Variants in MICAL2 observed in about 807,000 individuals in gnomAD.
MICAL2 encodes [F-actin]-monooxygenase MICAL2.
A neutral mutation model predicts 127.3 loss-of-function variants in MICAL2; 77 were observed. That is an observed-to-expected ratio of 0.60 (90% CI 0.50 to 0.73). The LOEUF (loss-of-function observed/expected upper bound fraction) is 0.73, where lower values mean the gene tolerates loss of function less well. MICAL2 is among the 30% of genes least tolerant of loss of function. The pLI is 0.00. For synonymous variants in MICAL2, 570 were observed against 551.1 expected (o/e 1.03, Z -0.48); for missense variants, 1,351 against 1,434.4 (o/e 0.94, Z 0.94).
chr11:12,215,792 A>G lies in MICAL2; in HGVS notation c.848-427A>G, dbSNP rs188799373. ...AGTAGAAATATTCCTTGGCATAGTCATTGGAGAATTCCCACAGCTCTATGC... is the reference window on the plus strand; with the variant it reads ...AGTAGAAATATTCCTTGGCATAGTCGTTGGAGAATTCCCACAGCTCTATGC... On this transcript the variant is annotated intron_variant, in intron 7 of 27. Coordinates refer to ENST00000683283, the MANE Select transcript of MICAL2 (RefSeq NM_001282663.2). Among the ~76,000 whole-genome samples, 22 of 152,328 alleles carry G rather than the reference A, an allele frequency of 1.4e-4. No individual in the cohort carries two copies. The East Asian group carries it at 4.2e-3, about 29-fold the overall frequency.
intron 24 of MICAL2, among the ~76,000 whole-genome samples, chr11:12,270,965 C>T (rs766963298): frequency 6.6e-6 from 1 of 152,180 alleles, no homozygotes; most frequent in Non-Finnish European, 1.5e-5. Context: ...CATAACCCTG[C>T]GGCAGGGGTC....
intron 1 of MICAL2, among the ~76,000 whole-genome samples, chr11:12,136,684 C>G (rs144898791): frequency 2.3e-4 from 35 of 152,152 alleles, no homozygotes; most frequent in African/African-American, 7.2e-4. Flanking sequence ...GTTGGTGTTA[C>G]AGGGAGCTCA....
Position 12,261,664 on chromosome 11 carries a change from G to A in MICAL2, c.3335-816G>A, listed in dbSNP as rs77386840. On this transcript the variant is annotated intron_variant, in intron 26 of 27. Transcript: ENST00000683283. ...AGGAGTCAGAACCTTTGAGAGCTTT[G>A]AGATGACAGTTTCTATGGGGCGGGA... 4.4e-3 allele frequency: 4,305 copies of A among 985,436 alleles called. 158 individuals carry two copies. In the African/African-American group the frequency reaches 0.07, roughly 16 times the overall value. The allele number at this position is 985,436 out of a possible 1,614,324, so 61.0% of individuals were successfully genotyped here.
intron 1 of MICAL2, among the ~76,000 whole-genome samples, chr11:12,115,361 G>A (rs985306817): frequency 3.3e-5 from 5 of 152,190 alleles, no homozygotes; most frequent in East Asian, 1.9e-4. Flanking sequence ...TGGACACCTC[G>A]ATAGGTGTCT....
chr11:12,327,904 G>T (rs1408331666), intron 32 of MICAL2, among the ~76,000 whole-genome samples: 1 of 151,324 alleles, frequency 6.6e-6, no homozygotes, highest in African/African-American at 2.4e-5. Flanking sequence ...CAGAGTGAGA[G>T]TCAATGTCCT....
At chr11:12,361,927 G>T (rs1939211266), downstream of MICAL2, among the ~76,000 whole-genome samples, 1 of 152,210 alleles carries the variant, frequency 6.6e-6, no homozygotes, top group South Asian at 2.1e-4. Flanking sequence ...CTCAAATGTA[G>T]GAGTTTATTG....
intron 1 of MICAL2, among the ~76,000 whole-genome samples, chr11:12,125,852 C>G (rs775439886): frequency 1.0e-4 from 14 of 135,822 alleles, no homozygotes; most frequent in South Asian, 2.6e-4. Flanking sequence ...GAATCCGGTG[C>G]AAGTATTTCT....
At chr11:12,248,670 G>A (rs994861438) in intron 21 of MICAL2, among the ~76,000 whole-genome samples, 1 of 152,162 alleles carries the variant, frequency 6.6e-6, no homozygotes, top group Non-Finnish European at 1.5e-5. Context: ...GGATTTGCAG[G>A]GTTTACTCGA....
chr11:12,258,818 CATGTGG>C (rs1862689513), intron 25 of MICAL2, among the ~76,000 whole-genome samples: 1 of 152,330 alleles, frequency 6.6e-6, no homozygotes, highest in East Asian at 1.9e-4. Flanking sequence ...AGAGCTTGCC[CATGTGG>C]CAGGGATGGG....
At chr11:12,293,927 G>T (rs2134788520), downstream of MICAL2, 1 of 1,612,966 alleles carries the variant, frequency 6.2e-7, no homozygotes, top group East Asian at 2.2e-5. Flanking sequence ...GAAGGAAGAA[G>T]AGGGAGGGCC....
intron 32 of MICAL2, among the ~76,000 whole-genome samples, chr11:12,336,336 G>A (rs1938756537): frequency 6.6e-6 from 1 of 152,198 alleles, no homozygotes; most frequent in East Asian, 1.9e-4. Flanking sequence ...TGGCTTATCA[G>A]CTTAAGGAGA....
At chr11:12,265,886 C>T (rs1282297525), downstream of MICAL2, among the ~76,000 whole-genome samples, 2 of 152,074 alleles carry the variant, frequency 1.3e-5, no homozygotes, top group African/African-American at 4.8e-5. Context: ...GAGGCTGAGG[C>T]GGGCAGATCA....
chr11:12,312,904 C>T (rs1048423789), intron 29 of MICAL2, among the ~76,000 whole-genome samples: 2 of 152,022 alleles, frequency 1.3e-5, no homozygotes, highest in African/African-American at 2.4e-5. Context: ...CTGTGGCTCA[C>T]GCCTGTAATC....
intron 32 of MICAL2, among the ~76,000 whole-genome samples, chr11:12,335,359 T>C (rs1938729506): frequency 1.3e-5 from 2 of 151,252 alleles, no homozygotes; most frequent in Non-Finnish European, 3.0e-5. Flanking sequence ...ATTAGCCCTT[T>C]GTCAGATGAG....
At chr11:12,295,441 C>CTTTTT (rs373402403), downstream of MICAL2, among the ~76,000 whole-genome samples, 20 of 126,336 alleles carry the variant, frequency 1.6e-4, no homozygotes, top group African/African-American at 2.3e-4. Context: ...TGCTCAGCCT[C>CTTTTT]TTTTTTTTTT....
chr11:12,262,693 C>CG (rs1404310895), intron 27 of MICAL2, 156 bp downstream of exon 27: 2 of 675,914 alleles, frequency 3.0e-6, no homozygotes, highest in Non-Finnish European at 2.6e-6. Flanking sequence ...AACAGCATGG[C>CG]GGGGGGTGTT....
At chr11:12,325,193 T>A (rs1864341054) in intron 31 of MICAL2, among the ~76,000 whole-genome samples, 1 of 152,076 alleles carries the variant, frequency 6.6e-6, no homozygotes, top group Admixed American at 6.6e-5. Flanking sequence ...CACTGCAACC[T>A]CCACCTCCTA....
intron 12 of MICAL2, 69 bp downstream of exon 12, chr11:12,223,570 G>A: frequency 7.2e-7 from 1 of 1,391,806 alleles, no homozygotes; most frequent in Non-Finnish European, 1.0e-6. Context: ...ACTGCTCAGT[G>A]ACCGTGGTGA....
chr11:12,269,667 G>T (rs1008567944), intron 24 of MICAL2, among the ~76,000 whole-genome samples: 1 of 152,204 alleles, frequency 6.6e-6, no homozygotes, highest in Non-Finnish European at 1.5e-5. Context: ...GCTGAGGGCC[G>T]TGGGGAAGGG....
Sources: allele counts gnomAD v4.1 joint callset (sites outside exome capture counted in the v4.1 genomes callset), GRCh38; gene constraint gnomAD v4.1.1; transcripts MANE v1.5; gene names NCBI Gene and HGNC (gene_info 2026-07-23, HGNC 2026-07-21).